Variants in GRIA3 observed in about 807,000 individuals in gnomAD.
GRIA3 encodes glutamate receptor 3.
GRIA3 carries 3 observed loss-of-function variants against 63.0 expected under a neutral mutation model. That is an observed-to-expected ratio of 0.05 (90% CI 0.02 to 0.12). The LOEUF (loss-of-function observed/expected upper bound fraction) is 0.12. Ranked by LOEUF, GRIA3 falls within the 10% of genes least tolerant of loss-of-function variation. GRIA3 has a pLI of 1.00. For missense variants in GRIA3, 347 were observed against 700.9 expected (o/e 0.50, Z 5.70); for synonymous variants, 274 against 257.9 (o/e 1.06, Z -0.60).
chrX:123,341,846 T>C (rs1434752453), intron 4 of GRIA3, among the ~76,000 whole-genome samples: 1 of 112,032 alleles, frequency 8.9e-6, no homozygotes, highest in Non-Finnish European at 1.9e-5. Context: ...AAAACAAAAA[T>C]GTTTTATTAG....
intron 3 of GRIA3, among the ~76,000 whole-genome samples, chrX:123,272,135 C>T (rs1344756310): frequency 4.5e-5 from 5 of 111,235 alleles, no homozygotes; most frequent in Non-Finnish European, 3.8e-5. Flanking sequence ...ATGCCTTGGG[C>T]GTCAGTCACA....
chrX:123,480,372 A>T (rs965920984), intron 14 of GRIA3, among the ~76,000 whole-genome samples, 195 bp downstream of exon 14: 3 of 111,848 alleles, frequency 2.7e-5, no homozygotes, highest in Non-Finnish European at 5.6e-5. Flanking sequence ...TGTTGACTCT[A>T]TAGAACAGTT....
intron 3 of GRIA3, among the ~76,000 whole-genome samples, chrX:123,295,204 GC>G (rs757366097): frequency 9.0e-6 from 1 of 111,697 alleles, no homozygotes; most frequent in South Asian, 3.7e-4. Context: ...ATTTTTATCA[GC>G]CTTTGCGAAT....
intron 11 of GRIA3, among the ~76,000 whole-genome samples, chrX:123,419,669 T>C (rs2045554442): frequency 9.0e-6 from 1 of 110,881 alleles, no homozygotes; most frequent in Non-Finnish European, 1.9e-5. Context: ...CCAAGCTTTA[T>C]TTAAAATTTT....
intron 2 of GRIA3, among the ~76,000 whole-genome samples, chrX:123,248,112 C>G (rs2044369415): frequency 8.9e-6 from 1 of 111,961 alleles, no homozygotes; most frequent in Admixed American, 9.4e-5. Flanking sequence ...TAGGTGCTGC[C>G]CATGAATGAA....
intron 5 of GRIA3, among the ~76,000 whole-genome samples, chrX:123,368,174 G>T (rs1022006719): frequency 9.0e-6 from 1 of 111,489 alleles, no homozygotes; most frequent in Non-Finnish European, 1.9e-5. Context: ...GGACTAGTCG[G>T]AACTGATTGG....
chrX:123,314,333 C>T (rs1306920508), intron 3 of GRIA3, among the ~76,000 whole-genome samples: 1 of 112,531 alleles, frequency 8.9e-6, no homozygotes, highest in Non-Finnish European at 1.9e-5. Context: ...GACTCCTGCC[C>T]TCTGTGAGTT....
intron 3 of GRIA3, among the ~76,000 whole-genome samples, chrX:123,280,281 C>A (rs1569412975): frequency 8.9e-6 from 1 of 112,230 alleles, no homozygotes; most frequent in Non-Finnish European, 1.9e-5. Context: ...GCAGACATTT[C>A]TTCTTTTCAC....
At chrX:123,241,490 GT>G (rs1402109479) in intron 2 of GRIA3, among the ~76,000 whole-genome samples, 1 of 110,155 alleles carries the variant, frequency 9.1e-6, no homozygotes, top group Non-Finnish European at 1.9e-5. Context: ...ATTTTGTTTT[GT>G]TTTATTTTTT....
chrX:123,360,695 C>CAA lies in GRIA3; in HGVS notation c.750+5749_750+5750dup, dbSNP rs751591594. ...TGGGTGACGGAGCAAGACTCTGTCTCAAAAAAAAAAAAAAAAAAGGACACC... is the reference window on the plus strand; with the variant it reads ...TGGGTGACGGAGCAAGACTCTGTCTCAAAAAAAAAAAAAAAAAAAAGGACACC... On this transcript the variant is annotated intron_variant, in intron 5 of 15. Coordinates refer to ENST00000620443, the MANE Select transcript of GRIA3 (RefSeq NM_007325.5). Among the ~76,000 whole-genome samples, 191 of 52,258 alleles carry CAA rather than the reference C, an allele frequency of 3.7e-3. 1 individual carries two copies. The highest frequency in any genetic ancestry group is 6.1e-3 in the African/African-American group (77 of 12,721). 45.4% of individuals were successfully genotyped at this position (52,258 alleles called of 115,157 possible). A position where few individuals can be genotyped will look rare whatever the true frequency, so the allele number is the denominator to read the frequency against.
intron 5 of GRIA3, among the ~76,000 whole-genome samples, chrX:123,360,884 C>T (rs1278536921): frequency 5.7e-5 from 6 of 104,778 alleles, no homozygotes; most frequent in Non-Finnish European, 1.2e-4. Context: ...CACACACACA[C>T]ACACACACAC....
chrX:123,301,128 G>A (rs1369291553), intron 3 of GRIA3, among the ~76,000 whole-genome samples: 1 of 111,132 alleles, frequency 9.0e-6, no homozygotes, highest in South Asian at 3.8e-4. Context: ...GTGCCAATGG[G>A]AGGAATATAT....
chrX:123,406,655 T>A (rs900922751), intron 10 of GRIA3, among the ~76,000 whole-genome samples: 2 of 111,692 alleles, frequency 1.8e-5, no homozygotes, highest in Admixed American at 9.5e-5. Context: ...AACCTCAGCC[T>A]CCATCTACGG....
chrX:123,422,523 A>C (rs766971778), intron 11 of GRIA3, among the ~76,000 whole-genome samples: 1 of 111,890 alleles, frequency 8.9e-6, no homozygotes, highest in Non-Finnish European at 1.9e-5. Flanking sequence ...GGGAAGGAGA[A>C]GACAGGCAAT....
chrX:123,461,088 T>C, intron 12 of GRIA3, among the ~76,000 whole-genome samples: 1 of 112,318 alleles, frequency 8.9e-6, no homozygotes, highest in Non-Finnish European at 1.9e-5. Context: ...TACAGTGCTA[T>C]AAAGATAGTG....
intron 3 of GRIA3, among the ~76,000 whole-genome samples, chrX:123,287,578 A>G (rs1014400685): frequency 8.9e-6 from 1 of 112,216 alleles, no homozygotes; most frequent in East Asian, 2.8e-4. Flanking sequence ...CTCAGGATAC[A>G]AAATCAATGT....
intron 2 of GRIA3, among the ~76,000 whole-genome samples, chrX:123,244,237 C>T (rs1420189565): frequency 8.9e-6 from 1 of 111,995 alleles, no homozygotes; most frequent in African/African-American, 3.2e-5. Context: ...GGGGCTGACA[C>T]ACTGTTCTGA....
chrX:123,351,773 G>C (rs1342487202), intron 4 of GRIA3, among the ~76,000 whole-genome samples: 1 of 112,127 alleles, frequency 8.9e-6, no homozygotes, highest in African/African-American at 3.2e-5. Flanking sequence ...TGTTAAGTAA[G>C]AGTTAAGGCA....
intron 3 of GRIA3, among the ~76,000 whole-genome samples, chrX:123,264,503 G>A (rs1019614295): frequency 1.3e-4 from 15 of 111,327 alleles, no homozygotes; most frequent in African/African-American, 3.9e-4. Context: ...AGCAGGAAAG[G>A]GGAGGTTTGG....
Sources: allele counts gnomAD v4.1 joint callset (sites outside exome capture counted in the v4.1 genomes callset), GRCh38; gene constraint gnomAD v4.1.1; transcripts MANE v1.5; gene names NCBI Gene and HGNC (gene_info 2026-07-23, HGNC 2026-07-21).